The following TRERF1 variants were observed in gnomAD, a reference collection of about 807,000 sequenced individuals.
The protein encoded by TRERF1 is transcriptional-regulating factor 1.
TRERF1 carries 27 observed loss-of-function variants against 122.9 expected under a neutral mutation model. The ratio of observed to expected loss-of-function variants is 0.22; its 90% confidence interval spans 0.16 to 0.30. The LOEUF (loss-of-function observed/expected upper bound fraction) is 0.30, where lower values mean the gene tolerates loss of function less well. TRERF1 is among the 10% of genes least tolerant of loss of function. The probability of loss-of-function intolerance (pLI) is 1.00; values close to 1 mark genes in which losing one functional copy is unlikely to be tolerated. For missense variants in TRERF1, 1,248 were observed against 1,560.3 expected (o/e 0.80, Z 3.37); for synonymous variants, 636 against 641.7 (o/e 0.99, Z 0.13).
intron 2 of TRERF1, among the ~76,000 whole-genome samples, chr6:42,376,022 G>A (rs7750666): frequency 0.018 from 2,771 of 152,146 alleles, 83 homozygotes; most frequent in African/African-American, 0.062. Context: ...ATGTGAAGGC[G>A]GTGTGGCTGG....
chr6:42,308,806 GAGAGGAGC>G (rs1787739220), intron 3 of TRERF1, among the ~76,000 whole-genome samples: 1 of 152,148 alleles, frequency 6.6e-6, no homozygotes. Context: ...CAGGAGGAGG[GAGAGGAGC>G]AGAAAAGATT....
At position 42,306,891 on chromosome 6, in the gene TRERF1, C is replaced by T. The variant is rs75631368; in HGVS notation, c.-370-6142G>A. Among the ~76,000 whole-genome samples, 53 of 152,204 alleles carry T rather than the reference C, an allele frequency of 3.5e-4. 1 individual carries two copies. In the East Asian group the frequency reaches 9.3e-3, roughly 27 times the overall value. On this transcript the variant is annotated intron_variant, in intron 3 of 17. Coordinates refer to ENST00000372922, the Ensembl canonical transcript of TRERF1. ...CATGGGCTATGTCCGTTTTTTTCAC[C>T]GCTGTGTCTAATGGCCTGGCACAGC...
intron 13 of TRERF1, among the ~76,000 whole-genome samples, chr6:42,254,282 T>A (rs1776329756): frequency 6.6e-6 from 1 of 152,240 alleles, no homozygotes; most frequent in Non-Finnish European, 1.5e-5. Flanking sequence ...TCTGTCATAG[T>A]CACTGATGCA....
chr6:42,250,686 G>A (rs1775594210), intron 13 of TRERF1, among the ~76,000 whole-genome samples: 1 of 152,034 alleles, frequency 6.6e-6, no homozygotes, highest in Non-Finnish European at 1.5e-5. Context: ...GTTCTACCTG[G>A]GAATTCCTGG....
At chr6:42,413,686 C>A (rs1047123795) in intron 2 of TRERF1, among the ~76,000 whole-genome samples, 2 of 152,092 alleles carry the variant, frequency 1.3e-5, no homozygotes, top group Non-Finnish European at 1.5e-5. Context: ...CCACAGCCTC[C>A]CAAAGTGTTG....
At chr6:42,250,992 C>CTTTTTT (rs70987586) in intron 13 of TRERF1, among the ~76,000 whole-genome samples, 41 of 97,586 alleles carry the variant, frequency 4.2e-4, no homozygotes, top group Non-Finnish European at 6.5e-4. Flanking sequence ...TCTTTTGCTT[C>CTTTTTT]TTTTTTTTTT....
chr6:42,422,220 G>A (rs1261532549), intron 2 of TRERF1, among the ~76,000 whole-genome samples: 1 of 151,088 alleles, frequency 6.6e-6, no homozygotes, highest in African/African-American at 2.4e-5. Context: ...CTTATACTAA[G>A]ACCAAATCTC....
chr6:42,403,410 C>T (rs889669448), intron 2 of TRERF1, among the ~76,000 whole-genome samples: 1 of 152,110 alleles, frequency 6.6e-6, no homozygotes, highest in Non-Finnish European at 1.5e-5. Context: ...TACACACACA[C>T]TCACGGAGAA....
At position 42,268,459 on chromosome 6, in the gene TRERF1, A is replaced by C; in HGVS notation, c.1132T>G (p.Tyr378Asp). ...TAGGGCTGCTGGGGCTCCTGGTAGT[A>C]GTACTGGGACATGGAGCCCAGGGGA... Residue 378 changes from tyrosine to aspartate, a missense_variant, in exon 5 of 18, where the codon TAC (tyrosine) becomes GAC (aspartate). By Grantham distance (160) the Tyr-to-Asp change is radical. Around this residue, in one of 5 missense-constraint regions of TRERF1, gnomAD observed 946 missense variants for 1,073.0 expected, o/e 0.88. Coordinates refer to ENST00000372922, the Ensembl canonical transcript of TRERF1. The surrounding 1 kb of genome is among the most constrained non-coding windows in gnomAD (Gnocchi z 4.4). 1 of 1,591,734 alleles carries C rather than the reference A, an allele frequency of 6.3e-7. No homozygotes were observed. Among genetic ancestry groups the C allele is most frequent in the Non-Finnish European group, 8.6e-7 (1 of 1,167,408 alleles).
Position 42,228,749 on chromosome 6 carries a change from G to C in TRERF1, c.3279-80C>G, listed in dbSNP as rs1048508931. 1.4e-6 allele frequency: 2 copies of C among 1,404,382 alleles called. No individual in the cohort carries two copies. The highest frequency in any genetic ancestry group is 2.9e-5 in the African/African-American group (2 of 69,648). The allele number at this position is 1,404,382 out of a possible 1,614,324, so 87.0% of individuals were successfully genotyped here. The stretch of plus-strand genomic sequence containing the variant: ...GAAATCCAGGTGTCCTACGGGGAAT[G>C]GGGGTGTGTGGTCTGACAAAGTCCC... On this transcript the variant is annotated intron_variant, in intron 17 of 17. Coordinates refer to ENST00000372922, the Ensembl canonical transcript of TRERF1. The surrounding 1 kb of genome is among the most constrained non-coding windows in gnomAD (Gnocchi z 4.2).
intron 2 of TRERF1, among the ~76,000 whole-genome samples, chr6:42,434,313 T>G (rs376171195): frequency 6.6e-6 from 1 of 151,566 alleles, no homozygotes; most frequent in Admixed American, 6.6e-5. Flanking sequence ...GATTTACAGA[T>G]GCACTCCAAA....
intron 13 of TRERF1, among the ~76,000 whole-genome samples, chr6:42,252,315 AAAGT>A (rs1444917487): frequency 9.9e-5 from 15 of 152,206 alleles, no homozygotes; most frequent in African/African-American, 3.4e-4. Context: ...GATAATGAGT[AAAGT>A]AAGGAAGTGA....
chr6:42,301,018 C>G lies in TRERF1; in HGVS notation c.-370-269G>C, dbSNP rs191667353. Reference sequence around the variant, plus strand: ...TAGGAAACAGAGAGAGAGAGAGAGACAGACAGACAGACAGACAGACACAGA... The same window carrying G: ...TAGGAAACAGAGAGAGAGAGAGAGAGAGACAGACAGACAGACAGACACAGA... On this transcript the variant is annotated intron_variant, in intron 3 of 17. Transcript: ENST00000372922. 5.5e-3 allele frequency among the ~76,000 whole-genome samples: 792 copies of G among 143,278 alleles called. 7 individuals are homozygous for G. The highest frequency in any genetic ancestry group is 0.019 in the African/African-American group (621 of 33,512). 94.0% of individuals were successfully genotyped at this position (143,278 alleles called of 152,430 possible).
intron 3 of TRERF1, among the ~76,000 whole-genome samples, chr6:42,340,605 T>A (rs936997051): frequency 6.6e-6 from 1 of 152,114 alleles, no homozygotes; most frequent in Non-Finnish European, 1.5e-5. Context: ...CAATTTATTT[T>A]ATTTATTTAT....
intron 2 of TRERF1, among the ~76,000 whole-genome samples, chr6:42,414,166 CA>C (rs1218919706): frequency 6.6e-6 from 1 of 152,158 alleles, no homozygotes; most frequent in Non-Finnish European, 1.5e-5. Context: ...TGAGCAGCAA[CA>C]AGTAAGTGAA....
chr6:42,427,046 A>G (rs1039537317), intron 2 of TRERF1, among the ~76,000 whole-genome samples: 3 of 151,916 alleles, frequency 2.0e-5, no homozygotes, highest in East Asian at 2.0e-4. Flanking sequence ...CTATAATCTC[A>G]GCCTCCCAAA....
intron 2 of TRERF1, among the ~76,000 whole-genome samples, chr6:42,424,521 CA>C (rs1003552754): frequency 1.4e-4 from 21 of 150,638 alleles, no homozygotes; most frequent in African/African-American, 3.7e-4. Flanking sequence ...TTCCAAAATC[CA>C]AAAAAAAATC....
Position 42,443,055 on chromosome 6 carries a change from G to T in TRERF1, c.-454+8122C>A, listed in dbSNP as rs112574498. 1.8e-4 allele frequency among the ~76,000 whole-genome samples: 28 copies of T among 152,330 alleles called. 1 individual carries two copies. The highest frequency in any genetic ancestry group is 6.7e-4 in the African/African-American group (28 of 41,576). ...ACTACAAAATGCGAGTTATTTCAGT[G>T]ATGGCCTCCATTTCCTCTCTCTCTG... On this transcript the variant is annotated intron_variant, in intron 2 of 17. Transcript: ENST00000372922.
At chr6:42,238,339 A>G (rs898977436) in intron 15 of TRERF1, among the ~76,000 whole-genome samples, 3 of 152,250 alleles carry the variant, frequency 2.0e-5, no homozygotes, top group Non-Finnish European at 4.4e-5. Context: ...CCACAAAATT[A>G]TAAGTCACAC....
Sources: gnomAD v4.1 joint callset for allele counts (sites outside exome capture counted in the v4.1 genomes callset) on GRCh38, gnomAD v4.1.1 for gene constraint, gnomAD v4.1.1 regional missense constraint, Gnocchi (gnomAD v3.1) non-coding constraint, MANE v1.5 for transcripts, NCBI Gene and HGNC (gene_info 2026-07-23, HGNC 2026-07-21) for gene names.